DOK4: variants seen among roughly 807,000 people sequenced by gnomAD.
DOK4 encodes docking protein 4, also known as downstream of tyrosine kinase 4.
Under a neutral mutation model 40.1 loss-of-function variants are expected in DOK4, and 26 were observed. That is an observed-to-expected ratio of 0.65 (90% confidence interval 0.48 to 0.90). The LOEUF is 0.90. Among genes scored for constraint, DOK4 ranks in the 40% least tolerant of loss-of-function variants. DOK4 has a pLI of 0.00. For missense variants in DOK4, 392 were observed against 437.2 expected (o/e 0.90, Z 0.92); for synonymous variants, 179 against 177.0 (o/e 1.01, Z -0.09).
At chr16:57,475,118 C>A (rs1268783652) in exon 5 of DOK4, 3 of 1,613,740 alleles carry the variant, frequency 1.9e-6, no homozygotes, top group Non-Finnish European at 1.7e-6. Context: ...TCACACTGCA[C>A]CCCTGGGGCC....
At chr16:57,474,678 T>C in intron 6 of DOK4, 115 bp downstream of exon 6, 1 of 1,303,994 alleles carries the variant, frequency 7.7e-7, no homozygotes, top group East Asian at 2.5e-5. Context: ...CATTCCCCCT[T>C]GGGATTGCTA....
upstream of DOK4, among the ~76,000 whole-genome samples, chr16:57,486,892 C>T (rs1440272111): frequency 3.3e-5 from 5 of 152,202 alleles, no homozygotes; most frequent in South Asian, 4.1e-4. Context: ...TCTGGGCCCT[C>T]ACAGCCCAGC....
chr16:57,474,683 T>A, intron 6 of DOK4, 110 bp downstream of exon 6: 1 of 1,345,794 alleles, frequency 7.4e-7, no homozygotes, highest in Non-Finnish European at 1.0e-6. Flanking sequence ...CCCCTTGGGA[T>A]TGCTAGGCCA....
At chr16:57,475,394 C>T (rs1379910010) in intron 4 of DOK4, 112 bp downstream of exon 4, 4 of 1,365,082 alleles carry the variant, frequency 2.9e-6, no homozygotes, top group Non-Finnish European at 4.0e-6. Flanking sequence ...ACCCCACACA[C>T]ACCACACCAC....
chr16:57,473,310 C>T (rs1005142962), exon 9 of DOK4: 166 of 1,551,464 alleles, frequency 1.1e-4, no homozygotes, highest in Admixed American at 1.5e-4. Context: ...AGGCTGTCCA[C>T]GGTACACTGC....
chr16:57,473,626 G>T (rs2030986298), exon 8 of DOK4: 7 of 1,614,274 alleles, frequency 4.3e-6, no homozygotes, highest in African/African-American at 1.3e-5. Context: ...CATAGCTGGA[G>T]GCTTCGGCGA....
chr16:57,476,235 T>C (rs1443330537), intron 2 of DOK4: 5 of 444,878 alleles, frequency 1.1e-5, no homozygotes, highest in Non-Finnish European at 1.7e-5. Flanking sequence ...TGTGCACCGC[T>C]GAGTTTAGTG....
At position 57,485,443 on chromosome 16, in the gene DOK4, C is replaced by G. The variant is rs1189867573; in HGVS notation, c.-182+862G>C. On this transcript the variant is annotated intron_variant, in intron 1 of 8. Coordinates refer to ENST00000340099, the Ensembl canonical transcript of DOK4. This position sits in a 1 kb window ranked among gnomAD's most constrained non-coding sequence, Gnocchi z 4.3. ...GGAAGAGCCTGTACCAGCGCCACAT[C>G]CCTCTGAAAGGGTCCAGGAAAGAAC... 6.6e-6 allele frequency among the ~76,000 whole-genome samples: 1 copy of G among 152,170 alleles called. No homozygotes were observed. The highest frequency in any genetic ancestry group is 1.9e-4 in the East Asian group (1 of 5,192).
At position 57,477,181 on chromosome 16, in the gene DOK4, C is replaced by T. The variant is rs1395744277; in HGVS notation, c.67-1224G>A. On this transcript the variant is annotated intron_variant, in intron 2 of 8. Transcript: ENST00000340099. The stretch of plus-strand genomic sequence containing the variant: ...TACTGTGCCATGCGTACACTAGGTC[C>T]TTGGCAGGCAGGGTCCCAGGGTGCA... 2.0e-5 allele frequency among the ~76,000 whole-genome samples: 3 copies of T among 152,190 alleles called. No individual in the cohort carries two copies. The East Asian group carries it at 5.8e-4, about 29-fold the overall frequency.
intron 2 of DOK4, among the ~76,000 whole-genome samples, chr16:57,478,354 A>G (rs1466843549): frequency 8.4e-6 from 1 of 119,092 alleles, no homozygotes; most frequent in Non-Finnish European, 1.7e-5. Context: ...TCCCTCTCCC[A>G]CTCCGCATGC....
chr16:57,479,521 T>C lies in DOK4; in HGVS notation c.-14A>G. The C allele has an allele frequency of 1.2e-6, 2 of 1,612,798 alleles. No homozygotes were observed. The highest frequency in any genetic ancestry group is 2.2e-5 in the South Asian group (2 of 91,048). On this transcript the variant is annotated 5_prime_UTR_variant, in exon 2 of 9. Transcript: ENST00000340099. This position sits in a 1 kb window ranked among gnomAD's most constrained non-coding sequence, Gnocchi z 5.8. The stretch of plus-strand genomic sequence containing the variant: ...ATTGGTCGCCATGGTTTTCCCACCT[T>C]TTAGGGGCGCGGGGCCTGGCAGAGG...
intron 1 of DOK4, among the ~76,000 whole-genome samples, chr16:57,481,160 GT>G (rs2031395823): frequency 6.6e-6 from 1 of 152,186 alleles, no homozygotes; most frequent in South Asian, 2.1e-4. Flanking sequence ...ATTAATTAAT[GT>G]CCTGGAGGCC....
intron 1 of DOK4, among the ~76,000 whole-genome samples, chr16:57,483,644 A>G (rs1330877070): frequency 1.3e-5 from 2 of 152,104 alleles, no homozygotes; most frequent in Non-Finnish European, 2.9e-5. Flanking sequence ...ATTTCAAAAA[A>G]ATCAATTAAA....
At chr16:57,475,872 A>C in exon 3 of DOK4, 3 of 1,612,724 alleles carry the variant, frequency 1.9e-6, no homozygotes, top group Non-Finnish European at 2.5e-6. Flanking sequence ...CCGGAGGCAC[A>C]CCGACTTCTC....
In DOK4 at chr16:57,479,573, G is replaced by T; in HGVS notation, c.-66C>A. On this transcript the variant is annotated 5_prime_UTR_variant, in exon 2 of 9. Transcript: ENST00000340099. This position sits in a 1 kb window ranked among gnomAD's most constrained non-coding sequence, Gnocchi z 5.8. ...GAGGGGAAGGATGCCCAGGTGCCTGGGTCTCCGGCTCCTCCAATCACCTGT... is the reference window on the plus strand; with the variant it reads ...GAGGGGAAGGATGCCCAGGTGCCTGTGTCTCCGGCTCCTCCAATCACCTGT... 6.4e-7 allele frequency: 1 copy of T among 1,566,864 alleles called. No individual in the cohort carries two copies. The highest frequency in any genetic ancestry group is 1.1e-5 in the South Asian group (1 of 89,974).
At chr16:57,480,140 G>A (rs1001312316) in intron 1 of DOK4, among the ~76,000 whole-genome samples, 2 of 152,162 alleles carry the variant, frequency 1.3e-5, no homozygotes, top group African/African-American at 4.8e-5. Flanking sequence ...GGGTAGCAGG[G>A]AAGCGCTTCC....
At chr16:57,478,599 G>A (rs1325256089) in intron 2 of DOK4, 4 of 152,336 alleles carry the variant, frequency 2.6e-5, no homozygotes, top group South Asian at 2.1e-4. Context: ...AGACAGCCTC[G>A]CCGAGATCAT....
At chr16:57,473,101 G>A (rs1444826752) in exon 9 of DOK4, 5 of 427,868 alleles carry the variant, frequency 1.2e-5, no homozygotes, top group African/African-American at 4.0e-5. Flanking sequence ...GTGAGGGTGA[G>A]GGGATCTCAT....
chr16:57,480,870 C>T (rs1296454457), intron 1 of DOK4, among the ~76,000 whole-genome samples: 3 of 152,316 alleles, frequency 2.0e-5, no homozygotes, highest in Admixed American at 6.5e-5. Flanking sequence ...GGTCACACAG[C>T]AGGCCTGGGG....
Sources: gnomAD v4.1 joint callset for allele counts (sites outside exome capture counted in the v4.1 genomes callset) on GRCh38, gnomAD v4.1.1 for gene constraint, Gnocchi (gnomAD v3.1) non-coding constraint, MANE v1.5 for transcripts, NCBI Gene and HGNC (gene_info 2026-07-23, HGNC 2026-07-21) for gene names.